The following AHNAK2 variants were observed in gnomAD, a reference collection of about 807,000 sequenced individuals.
The protein encoded by AHNAK2 is AHNAK nucleoprotein 2.
Under a neutral mutation model 30.7 loss-of-function variants are expected in AHNAK2, and 18 were observed. That is an observed-to-expected ratio of 0.59 (90% confidence interval 0.41 to 0.87). The LOEUF is 0.87. AHNAK2 is among the 40% of genes least tolerant of loss of function. The pLI, the probability that AHNAK2 is intolerant of heterozygous loss-of-function variation, is 0.00. For synonymous variants in AHNAK2, 3,590 were observed against 3,073.8 expected (o/e 1.17, Z -5.56); for missense variants, 8,604 against 7,373.0 (o/e 1.17, Z -6.11).
Position 104,966,940 on chromosome 14 carries a change from T to C in AHNAK2, c.56-9268A>G, listed in dbSNP as rs1899319883. Among the ~76,000 whole-genome samples, 1 of 152,146 alleles carries C rather than the reference T, an allele frequency of 6.6e-6. No individual in the cohort carries two copies. The highest frequency in any genetic ancestry group is 1.9e-4 in the East Asian group (1 of 5,196). On this transcript the variant is annotated intron_variant, in intron 1 of 6. Coordinates refer to ENST00000333244, the MANE Select transcript of AHNAK2 (RefSeq NM_138420.4). This position sits in a 1 kb window ranked among gnomAD's most constrained non-coding sequence, Gnocchi z 4.3. The stretch of plus-strand genomic sequence containing the variant: ...GGGTAACATATGTGAAAACTGAGGC[T>C]GGGGGAGGGGAGCCACTTACCCAAG...
rs557659535 is a variant in AHNAK2 at position 104,966,578 on chromosome 14, C to T, written c.56-8906G>A. On this transcript the variant is annotated intron_variant, in intron 1 of 6. Coordinates refer to ENST00000333244, the MANE Select transcript of AHNAK2 (RefSeq NM_138420.4). The surrounding 1 kb of genome is among the most constrained non-coding windows in gnomAD (Gnocchi z 4.3). ...CTGCACAGACAGAACTTGGCCAGCCCCACCGCTCTGCCTCCCAGATGGCTG... is the reference window on the plus strand; with the variant it reads ...CTGCACAGACAGAACTTGGCCAGCCTCACCGCTCTGCCTCCCAGATGGCTG... Among the ~76,000 whole-genome samples the T allele has an allele frequency of 1.1e-3, 167 of 152,284 alleles. 1 individual carries two copies. Among genetic ancestry groups the T allele is most frequent in the African/African-American group, 4.0e-3 (166 of 41,550 alleles).
rs1354058012 is a variant in AHNAK2 at position 104,953,456 on chromosome 14, TTC to T, written c.1993_1994del (p.Glu665LysfsTer57). 1 of 1,613,934 alleles carries T rather than the reference TTC, an allele frequency of 6.2e-7. No homozygotes were observed. Among genetic ancestry groups the T allele is most frequent in the African/African-American group, 1.3e-5 (1 of 74,946 alleles). On this transcript the variant is annotated frameshift_variant, in exon 7 of 7. Coordinates refer to ENST00000333244, the MANE Select transcript of AHNAK2 (RefSeq NM_138420.4). LOFTEE classifies it low-confidence loss of function (END_TRUNC). Reference protein sequence around the residue: ...KRLKKEQILTEKEVATKDSKF... With the variant: ...KRLKKEQILTXKEVATKDSKF... The stretch of plus-strand genomic sequence containing the variant: ...TGCTGTCTTTGGTGGCCACTTCCTT[TTC>T]TGTCAGAATTTGTTCCTTTTTTAAG...
At position 104,946,711 on chromosome 14, in the gene AHNAK2, G is replaced by A; in HGVS notation, c.8740C>T (p.Pro2914Ser). Residue 2914 changes from proline to serine, a missense_variant, in exon 7 of 7, where the codon CCC becomes TCC. Pro to Ser is a moderately conservative substitution (Grantham distance 74). Transcript: ENST00000333244. ...TTGGGGCCCTTGACGTCTATCTGGG[G>A]GCCCTTGAGATCCACTTTGGGCATC... is the stretch of plus-strand genomic sequence containing the variant. ...FKMPKVDLKG[P>S]QIDVKGPKLD... The A allele has an allele frequency of 1.2e-6, 2 of 1,612,616 alleles. No individual in the cohort carries two copies. The highest frequency in any genetic ancestry group is 1.7e-6 in the Non-Finnish European group (2 of 1,179,536).
rs765729320 is a variant in AHNAK2 at position 104,950,072 on chromosome 14, G to A, written c.5379C>T (p.Val1793=). Residue 1793 remains valine, a synonymous_variant, in exon 7 of 7, where the codon GTC becomes GTT. Transcript: ENST00000333244. ...TGTCCAGCTTGGCTCCTGGAGCCTC[G>A]ACGTCCACCTCCACGCTGGGCAGAG... ...EVSLPSVEVD[V]EAPGAKLDSV... 2.3e-5 allele frequency: 37 copies of A among 1,586,682 alleles called. No homozygotes were observed. Among genetic ancestry groups the A allele is most frequent in the South Asian group, 8.9e-5 (8 of 89,992 alleles).
rs1474468310 is a variant in AHNAK2 at position 104,943,426 on chromosome 14, C to G, written c.12025G>C (p.Gly4009Arg). 3 of 1,613,270 alleles carry G rather than the reference C, an allele frequency of 1.9e-6. No individual in the cohort carries two copies. Among genetic ancestry groups the G allele is most frequent in the Non-Finnish European group, 2.5e-6 (3 of 1,179,656 alleles). The change falls in exon 7 of 7, where the codon GGG becomes CGG. Residue 4009 changes from glycine to arginine, a missense_variant. Physicochemically the swap from Gly to Arg is moderately radical, Grantham distance 125 (BLOSUM62 -2). Coordinates refer to ENST00000333244, the MANE Select transcript of AHNAK2 (RefSeq NM_138420.4). ...EADVSLPSMQ[G>R]DLKATDLSVQ... ...CTGAGGTCAGTGGCCTTGAGGTCCC[C>G]CTGCATGGAAGGGAGGCTCACGTCG...
chr14:104,947,016 T>C lies in AHNAK2; in HGVS notation c.8435A>G (p.Lys2812Arg), dbSNP rs149610538. Residue 2812 changes from lysine to arginine, a missense_variant, in exon 7 of 7, where the codon AAG becomes AGG. By Grantham distance (26) the Lys-to-Arg change is conservative. Coordinates refer to ENST00000333244, the MANE Select transcript of AHNAK2 (RefSeq NM_138420.4). ...CATCTTGAACTTGGGCATTTTGAAC[T>C]TGCTGTCTTTGGCTGTCATGCCCTT... ...ADKGMTAKDS[K>R]FKMPKFKMPS... 554 of 1,612,060 alleles carry C rather than the reference T, an allele frequency of 3.4e-4. No individual in the cohort carries two copies. In the East Asian group the frequency reaches 0.01, roughly 30 times the overall value.
chr14:104,971,636 A>C (rs1899474358), intron 1 of AHNAK2, among the ~76,000 whole-genome samples: 1 of 152,076 alleles, frequency 6.6e-6, no homozygotes, highest in South Asian at 2.1e-4. Flanking sequence ...CATGACCCCA[A>C]GTCCCCCACT....
chr14:104,961,471 C>A (rs1566923896), intron 1 of AHNAK2, among the ~76,000 whole-genome samples: 1 of 148,728 alleles, frequency 6.7e-6, no homozygotes, highest in Non-Finnish European at 1.5e-5. Flanking sequence ...GCCGAGATCG[C>A]GTCACTGCAC....
rs199651269 is a variant in AHNAK2 at position 104,953,911 on chromosome 14, C to T, written c.1540G>A (p.Gly514Arg). The stretch of plus-strand genomic sequence containing the variant: ...TTTGAGGACGCATCCTGTCTCTTCC[C>T]TCGCTGTGGGGTACTAAGGCGCCTT... ...RERRLSTPQR[G>R]KRQDASSKAG... Residue 514 changes from glycine to arginine, a missense_variant, in exon 7 of 7, where the codon GGG becomes AGG. Transcript: ENST00000333244. 31 of 1,613,996 alleles carry T rather than the reference C, an allele frequency of 1.9e-5. No homozygotes were observed. The African/African-American group carries it at 3.9e-4, about 20-fold the overall frequency.
rs141736470 is a variant in AHNAK2 at position 104,949,009 on chromosome 14, T to A, written c.6442A>T (p.Thr2148Ser). The change falls in exon 7 of 7, where the codon ACC becomes TCC. Residue 2148 changes from threonine to serine, a missense_variant. Transcript: ENST00000333244. ...DLTLANKDLT[T>S]KDSKFKMPKF... ...GGCATTTTGAACTTGCTGTCTTTGG[T>A]AGTCAGGTCCTTGTTGGCCAGGGTC... The A allele has an allele frequency of 6.5e-5, 75 of 1,158,214 alleles. 28 individuals carry two copies. The Middle Eastern group carries it at 1.3e-3, about 21-fold the overall frequency. The allele number at this position is 1,158,214 out of a possible 1,614,324, so 71.7% of individuals were successfully genotyped here.
chr14:104,943,758 T>TTGGGCATCTTGAAAC lies in AHNAK2; in HGVS notation c.11678_11692dup (p.Ser3893_Pro3897dup). On this transcript the variant is annotated inframe_insertion, in exon 7 of 7. Coordinates refer to ENST00000333244, the MANE Select transcript of AHNAK2 (RefSeq NM_138420.4). ...TATTTCAGGGCCCTTGAGGTCGACT[T>TTGGGCATCTTGAAAC]TGGGCATCTTGAAACTGGGCATCTG... is the stretch of plus-strand genomic sequence containing the variant. 6.2e-7 allele frequency: 1 copy of TTGGGCATCTTGAAAC among 1,612,604 alleles called. No homozygotes were observed. Among genetic ancestry groups the TTGGGCATCTTGAAAC allele is most frequent in the Non-Finnish European group, 8.5e-7 (1 of 1,179,400 alleles).
Position 104,942,120 on chromosome 14 carries a change from C to A in AHNAK2, c.13331G>T (p.Arg4444Leu). ...QAPGAKLDST[R>L]LEGDLSLADK... is the part of the protein sequence containing the mutation. ...AGCCAGGGACAGGTCCCCCTCCAGC[C>A]GCGTACTGTCCAGCTTGGCTCCTGG... Residue 4444 changes from arginine (R) to leucine (L), a missense_variant, in exon 7 of 7, where the codon CGG (arginine) becomes CTG (leucine). Physicochemically the swap from Arg to Leu is moderately radical, Grantham distance 102. Coordinates refer to ENST00000333244, the MANE Select transcript of AHNAK2 (RefSeq NM_138420.4). 6.2e-7 allele frequency: 1 copy of A among 1,613,142 alleles called. No individual in the cohort carries two copies. Among genetic ancestry groups the A allele is most frequent in the Non-Finnish European group, 8.5e-7 (1 of 1,179,702 alleles).
In AHNAK2 at chr14:104,947,973, A is replaced by T. The variant is rs375316476; in HGVS notation, c.7478T>A (p.Phe2493Tyr). 51 of 1,612,466 alleles carry T rather than the reference A, an allele frequency of 3.2e-5. No individual in the cohort carries two copies. In the East Asian group the frequency reaches 1.0e-3, roughly 32 times the overall value. Reference protein sequence around the residue: ...FKIPKFKMPSFGVSAPGKSIE... With the variant: ...FKIPKFKMPSYGVSAPGKSIE... Reference sequence around the variant, plus strand: ...GGACTTGCCTGGGGCAGACACCCCGAATGACGGCATCTTGAACTTGGGAAT... The same window carrying T: ...GGACTTGCCTGGGGCAGACACCCCGTATGACGGCATCTTGAACTTGGGAAT... The change falls in exon 7 of 7, where the codon TTC (phenylalanine) becomes TAC (tyrosine). Residue 2493 changes from phenylalanine to tyrosine, a missense_variant. Transcript: ENST00000333244.
intron 1 of AHNAK2, among the ~76,000 whole-genome samples, chr14:104,964,170 T>C (rs1418842210): frequency 6.6e-6 from 1 of 152,042 alleles, no homozygotes; most frequent in Non-Finnish European, 1.5e-5. Context: ...GATAGAAATA[T>C]GGGCAAGAAA....
intron 1 of AHNAK2, among the ~76,000 whole-genome samples, chr14:104,959,105 T>C (rs1211469406): frequency 6.6e-6 from 1 of 152,172 alleles, no homozygotes; most frequent in Non-Finnish European, 1.5e-5. Flanking sequence ...GAGGCTGAAG[T>C]GCGAGGATTG....
Position 104,946,904 on chromosome 14 carries a change from G to A in AHNAK2, c.8547C>T (p.Phe2849=), listed in dbSNP as rs776330700. 1.4e-5 allele frequency: 23 copies of A among 1,612,620 alleles called. 1 individual carries two copies. Among genetic ancestry groups the A allele is most frequent in the South Asian group, 2.2e-5 (2 of 91,012 alleles). ...TCTTAAGATCCCCTTGCATGGAGGG[G>A]AAGCTCCCGTCAGCTTCCACCTTCA... The part of the protein sequence containing the change: ...SELKVEADGS[F]PSMQGDLKTT... The change falls in exon 7 of 7, where the codon TTC becomes TTT. Residue 2849 remains phenylalanine, a synonymous_variant. Transcript: ENST00000333244.
At chr14:104,970,718 C>T (rs1899450841) in intron 1 of AHNAK2, among the ~76,000 whole-genome samples, 1 of 152,178 alleles carries the variant, frequency 6.6e-6, no homozygotes, top group Non-Finnish European at 1.5e-5. Flanking sequence ...CCCTGAGTGC[C>T]CACCCCCAGC....
rs41307096 is a variant in AHNAK2, at chr14:104,954,197, C to A, written c.1254G>T (p.Arg418Ser). 10,435 of 1,610,150 alleles carry A rather than the reference C, an allele frequency of 6.5e-3. 50 individuals are homozygous for A. Among genetic ancestry groups the A allele is most frequent in the South Asian group, 9.6e-3 (874 of 91,058 alleles). The change falls in exon 7 of 7, where the codon AGG becomes AGT. Residue 418 changes from arginine to serine, a missense_variant. Coordinates refer to ENST00000333244, the MANE Select transcript of AHNAK2 (RefSeq NM_138420.4). The surrounding 1 kb of genome is among the most constrained non-coding windows in gnomAD (Gnocchi z 4.3). ...GCCCCTCCAGGGTCTTTCCATGGAG[C>A]CTGGCTGCCCTGAGTCCCCCTTCCT... ...TPQEGGLRAARLHGKTLEGQA... is the reference protein window; with the variant it reads ...TPQEGGLRAASLHGKTLEGQA...
In AHNAK2 at chr14:104,937,568, G is replaced by A. The variant is rs1897841624; in HGVS notation, c.*495C>T. On this transcript the variant is annotated 3_prime_UTR_variant, in exon 7 of 7. Transcript: ENST00000333244. ...CATTCAACAAAGAAGTAAGCTAAGT[G>A]AGTAGGAAACAGTGTTTCCTGGAAT... The A allele has an allele frequency of 6.5e-6, 1 of 153,678 alleles. No individual in the cohort carries two copies. Among genetic ancestry groups the A allele is most frequent in the Non-Finnish European group, 1.4e-5 (1 of 69,104 alleles). The allele number at this position is 153,678 out of a possible 1,614,324, so 9.5% of individuals were successfully genotyped here.
Sources: allele counts gnomAD v4.1 joint callset (sites outside exome capture counted in the v4.1 genomes callset), GRCh38; gene constraint gnomAD v4.1.1; non-coding constraint Gnocchi (gnomAD v3.1); transcripts MANE v1.5; gene names NCBI Gene and HGNC (gene_info 2026-07-23, HGNC 2026-07-21).